The following NHSL2 variants were observed in gnomAD, a reference collection of about 807,000 sequenced individuals.
NHSL2 encodes NHS like 2.
A neutral mutation model predicts 53.4 loss-of-function variants in NHSL2; 27 were observed. The observed-to-expected ratio is 0.51, with a 90% CI of 0.37 to 0.70. The LOEUF is 0.70. Among genes scored for constraint, NHSL2 ranks in the 30% least tolerant of loss-of-function variants. NHSL2 has a pLI of 0.00. For synonymous variants in NHSL2, 408 were observed against 404.1 expected (o/e 1.01, Z -0.12); for missense variants, 892 against 980.1 (o/e 0.91, Z 1.20).
intron 1 of NHSL2, among the ~76,000 whole-genome samples, chrX:72,034,551 G>A (rs1008382171): frequency 2.7e-5 from 3 of 111,312 alleles, no homozygotes; most frequent in Non-Finnish European, 5.7e-5. Context: ...AAAGCACCTG[G>A]GCCTGGACAT....
intron 1 of NHSL2, among the ~76,000 whole-genome samples, chrX:71,963,999 A>ATATATATGTGTATATATATG (rs1491186994): frequency 2.5e-5 from 1 of 39,388 alleles, no homozygotes; most frequent in African/African-American, 1.2e-4. Flanking sequence ...ATATGTATAT[A>ATATATATGTGTATATATATG]CATATATATA....
At chrX:72,113,242 A>G (rs2042107505) in intron 1 of NHSL2, among the ~76,000 whole-genome samples, 1 of 111,510 alleles carries the variant, frequency 9.0e-6, no homozygotes, top group African/African-American at 3.3e-5. Flanking sequence ...ACTTTTGAGG[A>G]TGATTCCTCT....
At chrX:72,022,971 C>T (rs941552145) in intron 1 of NHSL2, among the ~76,000 whole-genome samples, 2 of 112,307 alleles carry the variant, frequency 1.8e-5, no homozygotes, top group South Asian at 7.3e-4. Flanking sequence ...TTCACTATTT[C>T]TACTACTTTC....
chrX:71,936,504 A>G (rs2041739124), intron 1 of NHSL2, among the ~76,000 whole-genome samples: 1 of 112,888 alleles, frequency 8.9e-6, no homozygotes, highest in Non-Finnish European at 1.9e-5. Flanking sequence ...TGTGTGATCC[A>G]TTGAGCCCTA....
chrX:72,053,406 A>G, intron 1 of NHSL2, among the ~76,000 whole-genome samples: 1 of 111,860 alleles, frequency 8.9e-6, no homozygotes, highest in Non-Finnish European at 1.9e-5. Flanking sequence ...GAACTGTGTA[A>G]ACTCCACCAC....
At chrX:71,953,568 G>A (rs1373727895) in intron 1 of NHSL2, among the ~76,000 whole-genome samples, 12 of 111,900 alleles carry the variant, frequency 1.1e-4, no homozygotes, top group Non-Finnish European at 1.9e-4. Context: ...CTTCCTTAGA[G>A]TGACTTGCCT....
chrX:72,081,449 C>G (rs191933382), intron 1 of NHSL2, among the ~76,000 whole-genome samples: 24 of 112,046 alleles, frequency 2.1e-4, no homozygotes, highest in African/African-American at 6.8e-4. Context: ...TAGGAGCGAG[C>G]TTTCTGCTTC....
rs1302169813 is a variant in NHSL2 at position 72,134,575 on chromosome X, C to G, written c.631C>G (p.Leu211Val). 1.1e-5 allele frequency: 13 copies of G among 1,164,919 alleles called. No individual in the cohort carries two copies. The highest frequency in any genetic ancestry group is 1.4e-5 in the Non-Finnish European group (12 of 870,691). Residue 211 changes from leucine (L) to valine (V), a missense_variant, in exon 4 of 8, where the codon CTG becomes GTG. Transcript: ENST00000633930. ...TQGVRAPEAS[L>V]SLSTTADKQT... Reference sequence around the variant, plus strand: ...GGGTGTGAGGGCCCCCGAGGCCTCCCTGAGCCTGTCTACCACAGCCGACAA... The same window carrying G: ...GGGTGTGAGGGCCCCCGAGGCCTCCGTGAGCCTGTCTACCACAGCCGACAA...
At chrX:72,104,636 C>A (rs747307166) in intron 1 of NHSL2, among the ~76,000 whole-genome samples, 1 of 111,857 alleles carries the variant, frequency 8.9e-6, no homozygotes, top group East Asian at 2.8e-4. Flanking sequence ...AACAGAAATA[C>A]AGAAGTCAGG....
chrX:71,995,274 G>T (rs951045191), intron 1 of NHSL2, among the ~76,000 whole-genome samples: 15 of 112,169 alleles, frequency 1.3e-4, no homozygotes, highest in African/African-American at 3.9e-4. Flanking sequence ...GCCTATTCCA[G>T]CTTGGATCCT....
chrX:72,043,544 G>A (rs1042529462), intron 1 of NHSL2, among the ~76,000 whole-genome samples: 2 of 110,802 alleles, frequency 1.8e-5, no homozygotes, highest in African/African-American at 6.6e-5. Context: ...TGGCTGAGCC[G>A]GGATTCGACC....
At chrX:71,975,300 A>C (rs1038718291) in intron 1 of NHSL2, among the ~76,000 whole-genome samples, 1 of 111,346 alleles carries the variant, frequency 9.0e-6, no homozygotes, top group African/African-American at 3.3e-5. Context: ...TTTTATCAAG[A>C]TATCACTCTT....
At chrX:72,049,044 A>AGG (rs60668440) in intron 1 of NHSL2, among the ~76,000 whole-genome samples, 30 of 108,374 alleles carry the variant, frequency 2.8e-4, no homozygotes, top group Non-Finnish European at 5.2e-4. Context: ...GAAGAGGAAG[A>AGG]AGAAGAAGAA....
At chrX:72,008,149 C>T (rs141155236) in intron 1 of NHSL2, among the ~76,000 whole-genome samples, 14 of 112,820 alleles carry the variant, frequency 1.2e-4, no homozygotes, top group African/African-American at 3.2e-4. Flanking sequence ...TTGACAGTTG[C>T]CTGTTTTCCC....
In NHSL2 at chrX:72,138,792, G is replaced by A. The variant is rs771808551; in HGVS notation, c.1244G>A (p.Gly415Glu). 8.3e-7 allele frequency: 1 copy of A among 1,209,282 alleles called. No homozygotes were observed. Among genetic ancestry groups the A allele is most frequent in the Admixed American group, 2.2e-5 (1 of 45,838 alleles). ...CAGAGCAATCAAGTCAATGAAAATG[G>A]GAAAAATCCTTCCTGTGGGAATTCT... ...TSQSNQVNEN[G>E]KNPSCGNSWV... Residue 415 changes from glycine (G) to glutamate (E), a missense_variant, in exon 6 of 8, where the codon GGG becomes GAG. By Grantham distance (98) the Gly-to-Glu change is moderately conservative. Coordinates refer to ENST00000633930, the MANE Select transcript of NHSL2 (RefSeq NM_001013627.3).
At chrX:72,029,320 T>C (rs979633968) in intron 1 of NHSL2, among the ~76,000 whole-genome samples, 2 of 111,495 alleles carry the variant, frequency 1.8e-5, no homozygotes, top group Non-Finnish European at 3.8e-5. Context: ...GTGAGCTTCA[T>C]GACTTCAGCT....
chrX:72,087,588 G>A (rs1408432130), intron 1 of NHSL2, among the ~76,000 whole-genome samples: 1 of 112,701 alleles, frequency 8.9e-6, no homozygotes, highest in African/African-American at 3.2e-5. Context: ...TTTAAAAGTT[G>A]GGGCCAGGCG....
At chrX:71,969,381 T>G (rs1243103633) in intron 1 of NHSL2, among the ~76,000 whole-genome samples, 3 of 106,481 alleles carry the variant, frequency 2.8e-5, no homozygotes, top group Non-Finnish European at 5.8e-5. Flanking sequence ...GGCGCAATCT[T>G]GGTTCACTGC....
intron 1 of NHSL2, chrX:72,130,986 G>A: frequency 8.3e-7 from 1 of 1,211,293 alleles, no homozygotes; most frequent in Non-Finnish European, 1.1e-6. Context: ...CCACCCGCTC[G>A]GCGCCCCCGG....
Sources: gnomAD v4.1 joint callset for allele counts (sites outside exome capture counted in the v4.1 genomes callset) on GRCh38, gnomAD v4.1.1 for gene constraint, MANE v1.5 for transcripts, NCBI Gene and HGNC (gene_info 2026-07-23, HGNC 2026-07-21) for gene names.